DGKB: variants seen among roughly 807,000 people sequenced by gnomAD.
DGKB encodes diacylglycerol kinase beta.
A neutral mutation model predicts 114.3 loss-of-function variants in DGKB; 67 were observed. The ratio of observed to expected loss-of-function variants is 0.59; its 90% CI spans 0.48 to 0.72. The LOEUF is 0.72. Among genes scored for constraint, DGKB ranks in the 30% least tolerant of loss-of-function variants. The probability of loss-of-function intolerance (pLI) is 0.00; values close to 1 mark genes in which losing one functional copy is unlikely to be tolerated. For missense variants in DGKB, 907 were observed against 975.2 expected, an observed-to-expected ratio of 0.93 and a Z score of 0.93; for synonymous variants, 398 against 323.1, an observed-to-expected ratio of 1.23 and a Z score of -2.49.
intron 17 of DGKB, among the ~76,000 whole-genome samples, chr7:14,587,305 G>A (rs533033705): frequency 2.0e-5 from 3 of 152,058 alleles, no homozygotes; most frequent in Admixed American, 6.6e-5. Flanking sequence ...GTAAGTGGAG[G>A]CTGCATGTGA....
At chr7:14,656,515 C>T (rs1451234890) in intron 13 of DGKB, among the ~76,000 whole-genome samples, 1 of 151,352 alleles carries the variant, frequency 6.6e-6, no homozygotes, top group East Asian at 1.9e-4. Flanking sequence ...ATCCATAGGA[C>T]ACTGCATCCT....
chr7:14,241,462 T>TA (rs34679631), intron 23 of DGKB, among the ~76,000 whole-genome samples: 2 of 151,826 alleles, frequency 1.3e-5, no homozygotes, highest in Admixed American at 1.3e-4. Flanking sequence ...CAGCTTAATA[T>TA]AAAAAACGAC....
At chr7:14,675,021 C>T (rs1354338716) in intron 12 of DGKB, among the ~76,000 whole-genome samples, 1 of 152,114 alleles carries the variant, frequency 6.6e-6, no homozygotes, top group Admixed American at 6.6e-5. Flanking sequence ...GGTCTTAAGA[C>T]TCTGCTGCAC....
At chr7:14,937,716 T>C (rs543286475) in intron 1 of DGKB, among the ~76,000 whole-genome samples, 1 of 152,248 alleles carries the variant, frequency 6.6e-6, no homozygotes, top group South Asian at 2.1e-4. Flanking sequence ...GCAGGTCCAC[T>C]CATATGCAAT....
At chr7:14,964,437 C>A (rs1382752287) in intron 1 of DGKB, among the ~76,000 whole-genome samples, 3 of 152,114 alleles carry the variant, frequency 2.0e-5, no homozygotes, top group Admixed American at 2.0e-4. Flanking sequence ...AAGGCAGAGT[C>A]TGCAGTGAGC....
intron 17 of DGKB, among the ~76,000 whole-genome samples, chr7:14,585,581 T>C (rs1800624909): frequency 6.6e-6 from 1 of 152,184 alleles, no homozygotes; most frequent in Non-Finnish European, 1.5e-5. Flanking sequence ...GCATTTCAAC[T>C]GGTTTGCTTT....
chr7:14,856,373 C>G (rs2128170512), intron 1 of DGKB, among the ~76,000 whole-genome samples: 1 of 152,158 alleles, frequency 6.6e-6, no homozygotes. Context: ...ATTGGTAAGC[C>G]TATATTTTAT....
intron 2 of DGKB, among the ~76,000 whole-genome samples, chr7:14,766,413 T>C (rs563756441): frequency 6.6e-6 from 1 of 151,830 alleles, no homozygotes; most frequent in Non-Finnish European, 1.5e-5. Flanking sequence ...TGGATATGGG[T>C]TGTGACAGTA....
intron 21 of DGKB, among the ~76,000 whole-genome samples, chr7:14,454,714 C>A (rs1245933949): frequency 6.6e-6 from 1 of 151,948 alleles, no homozygotes; most frequent in African/African-American, 2.4e-5. Context: ...TTGTAAATCC[C>A]AGAGAGTTAC....
intron 1 of DGKB, among the ~76,000 whole-genome samples, chr7:14,933,399 C>T (rs1048333593): frequency 6.6e-6 from 1 of 152,068 alleles, no homozygotes; most frequent in Non-Finnish European, 1.5e-5. Flanking sequence ...AAAAATTCTC[C>T]CTTTGCCCCC....
At chr7:14,951,858 TA>T (rs570553299) in intron 1 of DGKB, among the ~76,000 whole-genome samples, 3 of 151,908 alleles carry the variant, frequency 2.0e-5, no homozygotes, top group East Asian at 3.9e-4. Context: ...CAAAACAAGT[TA>T]AAAAAATCTG....
At chr7:14,306,446 C>T (rs1804489093) in intron 23 of DGKB, among the ~76,000 whole-genome samples, 1 of 151,906 alleles carries the variant, frequency 6.6e-6, no homozygotes. Flanking sequence ...CTCTTTTTTT[C>T]TGGTCAATAT....
intron 5 of DGKB, among the ~76,000 whole-genome samples, chr7:14,727,288 C>T (rs1830163721): frequency 6.6e-6 from 1 of 152,060 alleles, no homozygotes; most frequent in South Asian, 2.1e-4. Context: ...TCAAGTCTAA[C>T]ATATTAAAAA....
chr7:14,194,962 A>G (rs1440701143), intron 23 of DGKB, among the ~76,000 whole-genome samples: 3 of 152,282 alleles, frequency 2.0e-5, no homozygotes, highest in Non-Finnish European at 2.9e-5. Context: ...TTGAAAAGTC[A>G]TCTACACCAC....
chr7:14,565,694 A>C (rs1797287173), intron 20 of DGKB, among the ~76,000 whole-genome samples: 2 of 151,780 alleles, frequency 1.3e-5, no homozygotes, highest in East Asian at 2.0e-4. Context: ...TGTCGATTTT[A>C]TTTTCAAAAT....
chr7:14,443,822 T>C (rs1830391310), intron 21 of DGKB, among the ~76,000 whole-genome samples: 1 of 152,096 alleles, frequency 6.6e-6, no homozygotes. Flanking sequence ...ATTCAAAATT[T>C]GTGTTCTTTG....
chr7:14,603,258 T>C (rs1803889311), intron 17 of DGKB, among the ~76,000 whole-genome samples: 1 of 152,174 alleles, frequency 6.6e-6, no homozygotes, highest in Non-Finnish European at 1.5e-5. Flanking sequence ...ATCTGCATTT[T>C]ATTTTATGAT....
intron 14 of DGKB, among the ~76,000 whole-genome samples, chr7:14,629,962 TA>T (rs1253357890): frequency 1.1e-4 from 16 of 152,236 alleles, no homozygotes; most frequent in African/African-American, 3.8e-4. Context: ...AAACTCTTTG[TA>T]AAGTAACCTT....
intron 20 of DGKB, among the ~76,000 whole-genome samples, chr7:14,557,731 A>C (rs572335579): frequency 6.6e-6 from 1 of 152,088 alleles, no homozygotes; most frequent in East Asian, 1.9e-4. Flanking sequence ...ACCTAAAAAA[A>C]AATTTAAATG....
Sources: gnomAD v4.1 joint callset for allele counts (sites outside exome capture counted in the v4.1 genomes callset) on GRCh38, gnomAD v4.1.1 for gene constraint, MANE v1.5 for transcripts, NCBI Gene and HGNC (gene_info 2026-07-23, HGNC 2026-07-21) for gene names.